NEK11: variants seen among roughly 807,000 people sequenced by gnomAD.
NEK11 encodes NIMA related kinase 11.
In NEK11, 72 loss-of-function variants were observed where a neutral mutation model predicts 80.7. The ratio of observed to expected loss-of-function variants is 0.89; its 90% CI spans 0.74 to 1.08. The LOEUF (loss-of-function observed/expected upper bound fraction) is 1.08, where lower values mean the gene tolerates loss of function less well. NEK11 is among the 50% of genes least tolerant of loss of function. NEK11 has a pLI of 0.00. For synonymous variants in NEK11, 251 were observed against 260.7 expected (o/e 0.96, Z 0.36); for missense variants, 764 against 763.6 (o/e 1.00, Z -0.01).
At chr3:131,230,012 C>T (rs1438538315) in intron 15 of NEK11, among the ~76,000 whole-genome samples, 3 of 152,166 alleles carry the variant, frequency 2.0e-5, no homozygotes, top group Non-Finnish European at 4.4e-5. Flanking sequence ...TTCTGAGCCA[C>T]TGTCATAAAC....
intron 7 of NEK11, among the ~76,000 whole-genome samples, chr3:131,138,696 TG>T (rs1319683730): frequency 2.0e-5 from 3 of 152,170 alleles, no homozygotes; most frequent in African/African-American, 7.2e-5. Flanking sequence ...AGACCCCATT[TG>T]TTTGGGAGAA....
intron 4 of NEK11, among the ~76,000 whole-genome samples, chr3:131,099,630 A>T (rs985944597): frequency 2.6e-5 from 4 of 152,036 alleles, no homozygotes; most frequent in Non-Finnish European, 5.9e-5. Flanking sequence ...TATTAGTGTC[A>T]TCACTGATTT....
At chr3:131,135,422 C>T (rs1383079119) in intron 7 of NEK11, among the ~76,000 whole-genome samples, 1 of 152,134 alleles carries the variant, frequency 6.6e-6, no homozygotes, top group Non-Finnish European at 1.5e-5. Flanking sequence ...TAAAACCAAA[C>T]ATCACAAAGG....
intron 4 of NEK11, among the ~76,000 whole-genome samples, chr3:131,100,286 C>A (rs1387559194): frequency 1.3e-5 from 2 of 152,066 alleles, no homozygotes. Context: ...GTTAAGCCAA[C>A]CTTGCATCCC....
At position 131,162,545 on chromosome 3, in the gene NEK11, T is replaced by C; in HGVS notation, c.1082+18T>C. ...AAGCTGAAGTAAGCTGCTTTTCCTT[T>C]AGGCACTCATGCTCGGGACTACTTC... On this transcript the variant is annotated intron_variant, in intron 11 of 17. Transcript: ENST00000383366. 1 of 1,613,574 alleles carries C rather than the reference T, an allele frequency of 6.2e-7. No homozygotes were observed. Among genetic ancestry groups the C allele is most frequent in the African/African-American group, 1.3e-5 (1 of 74,964 alleles).
chr3:131,120,991 A>G (rs543375805), intron 5 of NEK11, among the ~76,000 whole-genome samples: 1 of 152,296 alleles, frequency 6.6e-6, no homozygotes, highest in South Asian at 2.1e-4. Context: ...TCAACTCGTC[A>G]AAGTCATTCT....
chr3:131,229,620 T>C (rs981584878), intron 15 of NEK11, among the ~76,000 whole-genome samples: 4 of 152,094 alleles, frequency 2.6e-5, no homozygotes, highest in African/African-American at 9.7e-5. Flanking sequence ...TAATATTCAA[T>C]CCATTCAGCC....
chr3:131,291,495 A>T (rs368818385), intron 17 of NEK11, among the ~76,000 whole-genome samples: 31 of 152,296 alleles, frequency 2.0e-4, no homozygotes, highest in African/African-American at 7.5e-4. Context: ...TTTTGTAAAA[A>T]CAAAAAACAA....
At chr3:131,091,359 A>G (rs2076701816) in intron 4 of NEK11, among the ~76,000 whole-genome samples, 1 of 152,148 alleles carries the variant, frequency 6.6e-6, no homozygotes, top group South Asian at 2.1e-4. Flanking sequence ...TTTTCCTTCA[A>G]TAGTCTAAAT....
chr3:131,220,252 A>G (rs1449688307), intron 14 of NEK11, among the ~76,000 whole-genome samples: 1 of 152,228 alleles, frequency 6.6e-6, no homozygotes, highest in African/African-American at 2.4e-5. Flanking sequence ...TACCTTATGT[A>G]AAAGGTAAAA....
Position 131,243,444 on chromosome 3 carries a change from T to C in NEK11, c.1569T>C (p.Asp523=). 6.2e-7 allele frequency: 1 copy of C among 1,612,778 alleles called. No homozygotes were observed. Among genetic ancestry groups the C allele is most frequent in the Non-Finnish European group, 8.5e-7 (1 of 1,179,182 alleles). Residue 523 remains aspartate (D), a synonymous_variant, in exon 16 of 18, where the codon GAT becomes GAC. Coordinates refer to ENST00000383366, the MANE Select transcript of NEK11 (RefSeq NM_024800.5). ...PAYRTNQQDS[D]IEALARCLEN... is the part of the protein sequence containing the mutation. ...CTCCCTTATTTTGACAGGACAGTGA[T>C]ATCGAAGCGTTGGCCAGGTGTTTGG...
chr3:131,042,320 G>T (rs115975672), intron 3 of NEK11, among the ~76,000 whole-genome samples: 5,022 of 152,152 alleles, frequency 0.033, 136 homozygotes, highest in Admixed American at 0.093. Context: ...CTTGCTCAGC[G>T]GATCCCATTC....
chr3:131,293,017 A>T (rs1255983165), intron 17 of NEK11, among the ~76,000 whole-genome samples: 1 of 152,140 alleles, frequency 6.6e-6, no homozygotes, highest in Non-Finnish European at 1.5e-5. Flanking sequence ...TTCTACATAG[A>T]CAATCGTGTC....
intron 5 of NEK11, among the ~76,000 whole-genome samples, chr3:131,119,415 G>A (rs1319571231): frequency 1.3e-5 from 2 of 152,182 alleles, no homozygotes; most frequent in African/African-American, 2.4e-5. Context: ...TGGAATAAGT[G>A]CAATGTGGTG....
At chr3:131,094,974 C>T (rs1318697235) in intron 4 of NEK11, among the ~76,000 whole-genome samples, 1 of 152,096 alleles carries the variant, frequency 6.6e-6, no homozygotes, top group East Asian at 1.9e-4. Context: ...TCAGGAAGGA[C>T]CAAGCAACTG....
intron 17 of NEK11, among the ~76,000 whole-genome samples, chr3:131,299,224 T>C (rs1032012892): frequency 6.6e-6 from 1 of 152,182 alleles, no homozygotes; most frequent in African/African-American, 2.4e-5. Context: ...TTTCTTTTTG[T>C]TTGAAACAGA....
chr3:131,169,074 C>A (rs2092492063), intron 13 of NEK11, 137 bp downstream of exon 13: 3 of 558,142 alleles, frequency 5.4e-6, no homozygotes, highest in Non-Finnish European at 6.4e-6. Flanking sequence ...GAAAAAGCTT[C>A]ATTGAGCTGA....
chr3:131,221,238 C>T (rs543356312), intron 14 of NEK11, among the ~76,000 whole-genome samples: 4 of 152,222 alleles, frequency 2.6e-5, no homozygotes, highest in African/African-American at 9.6e-5. Flanking sequence ...AGCTTACCAT[C>T]TACCTGGAAT....
chr3:131,281,787 CCTAT>C (rs1156534210), intron 17 of NEK11, among the ~76,000 whole-genome samples: 11 of 152,294 alleles, frequency 7.2e-5, no homozygotes, highest in Non-Finnish European at 1.2e-4. Flanking sequence ...TGTCTGTCTG[CCTAT>C]CTATCTATCC....
Sources: gnomAD v4.1 joint callset for allele counts (sites outside exome capture counted in the v4.1 genomes callset) on GRCh38, gnomAD v4.1.1 for gene constraint, MANE v1.5 for transcripts, NCBI Gene and HGNC (gene_info 2026-07-23, HGNC 2026-07-21) for gene names.